SH3PXD2B: variants seen among roughly 807,000 people sequenced by gnomAD.
SH3PXD2B encodes the protein SH3 and PX domain-containing protein 2B.
SH3PXD2B carries 37 observed loss-of-function variants against 73.1 expected under a neutral mutation model. The observed-to-expected ratio is 0.51, with a 90% confidence interval of 0.39 to 0.67. The LOEUF (loss-of-function observed/expected upper bound fraction) is 0.67. Among genes scored for constraint, SH3PXD2B ranks in the 30% least tolerant of loss-of-function variants. The probability of loss-of-function intolerance (pLI) is 0.00; values close to 1 mark genes in which losing one functional copy is unlikely to be tolerated. For synonymous variants in SH3PXD2B, 457 were observed against 480.5 expected, an observed-to-expected ratio of 0.95 and a Z score of 0.64; for missense variants, 1,053 against 1,197.8, an observed-to-expected ratio of 0.88 and a Z score of 1.78.
At chr5:172,408,323 G>A (rs991506351) in intron 2 of SH3PXD2B, among the ~76,000 whole-genome samples, 1 of 151,284 alleles carries the variant, frequency 6.6e-6, no homozygotes, top group Admixed American at 6.6e-5. Context: ...GCTGGAGTGC[G>A]GTGGCACAAT....
At position 172,339,533 on chromosome 5, in the gene SH3PXD2B, C is replaced by A. The variant is rs199691305; in HGVS notation, c.1572G>T (p.Pro524=). The A allele has an allele frequency of 3.1e-6, 5 of 1,614,142 alleles. No homozygotes were observed. In the East Asian group the frequency reaches 6.7e-5, roughly 22 times the overall value. ...PDMEEKPSLP[P]RKESIIKSEG... ...CCGACTTGATGATGGATTCTTTCCG[C>A]GGAGGGAGGCTGGGCTTCTCCTCCA... The change falls in exon 13 of 13, where the codon CCG becomes CCT. Residue 524 remains proline (P), a synonymous_variant. Coordinates refer to ENST00000311601, the MANE Select transcript of SH3PXD2B (RefSeq NM_001017995.3). The surrounding 1 kb of genome is among the most constrained non-coding windows in gnomAD (Gnocchi z 6.1).
chr5:172,440,631 G>A (rs1320182839), intron 1 of SH3PXD2B, among the ~76,000 whole-genome samples: 6 of 152,190 alleles, frequency 3.9e-5, no homozygotes, highest in Admixed American at 3.9e-4. Flanking sequence ...TGGAAACTGG[G>A]GCTCTGACTG....
intron 8 of SH3PXD2B, among the ~76,000 whole-genome samples, chr5:172,355,584 G>A (rs530119142): frequency 6.0e-5 from 9 of 149,170 alleles, no homozygotes; most frequent in Non-Finnish European, 7.4e-5. Flanking sequence ...TCGCTCTGTC[G>A]CCCAGGCTGG....
chr5:172,404,465 T>C (rs1758507472), intron 3 of SH3PXD2B, among the ~76,000 whole-genome samples: 1 of 152,282 alleles, frequency 6.6e-6, no homozygotes, highest in South Asian at 2.1e-4. Flanking sequence ...CTAATTTTTA[T>C]ATTTTTAGTA....
At chr5:172,400,878 T>C (rs1758408197) in intron 3 of SH3PXD2B, among the ~76,000 whole-genome samples, 1 of 152,218 alleles carries the variant, frequency 6.6e-6, no homozygotes, top group African/African-American at 2.4e-5. Context: ...GCCCAGACCT[T>C]GGGAATCCTC....
chr5:172,437,748 G>A (rs1310549657), intron 1 of SH3PXD2B, among the ~76,000 whole-genome samples: 4 of 152,202 alleles, frequency 2.6e-5, no homozygotes, highest in Non-Finnish European at 4.4e-5. Context: ...GGTGTCTTGC[G>A]TCAGATGAGA....
rs111765294 is a variant in SH3PXD2B, at chr5:172,377,224, C to G, written c.402-3409G>C. On this transcript the variant is annotated intron_variant, in intron 5 of 12. Coordinates refer to ENST00000311601, the MANE Select transcript of SH3PXD2B (RefSeq NM_001017995.3). ...TGGTGTGACATGCTTGGGGTGTTCC[C>G]AAGTTTTCCTACTCATGGCGGCCAA... Among the ~76,000 whole-genome samples, 922 of 152,224 alleles carry G rather than the reference C, an allele frequency of 6.1e-3. 4 individuals are homozygous for G. The highest frequency in any genetic ancestry group is 8.8e-3 in the Non-Finnish European group (600 of 67,998).
intron 9 of SH3PXD2B, 75 bp from the exon 10 acceptor site, chr5:172,350,664 T>C: frequency 6.9e-7 from 1 of 1,442,086 alleles, no homozygotes; most frequent in Non-Finnish European, 9.5e-7. Flanking sequence ...CTACTGGGAA[T>C]CACATGACAG....
chr5:172,404,737 A>AT (rs1758514332), intron 3 of SH3PXD2B, among the ~76,000 whole-genome samples: 2 of 152,240 alleles, frequency 1.3e-5, no homozygotes, highest in South Asian at 4.1e-4. Context: ...CAGAATCATC[A>AT]TAACAACTTC....
At chr5:172,331,616 A>G (rs1247503917), downstream of SH3PXD2B, among the ~76,000 whole-genome samples, 1 of 152,180 alleles carries the variant, frequency 6.6e-6, no homozygotes, top group Non-Finnish European at 1.5e-5. Context: ...GTTTGCAGGT[A>G]TGAGAGGGTG....
chr5:172,373,332 G>A (rs190641688), intron 6 of SH3PXD2B, among the ~76,000 whole-genome samples: 10 of 152,178 alleles, frequency 6.6e-5, no homozygotes, highest in African/African-American at 2.4e-4. Context: ...CCTCCTTTCC[G>A]ATCCCTTATC....
At chr5:172,452,066 G>C (rs1416870963) in intron 1 of SH3PXD2B, among the ~76,000 whole-genome samples, 2 of 152,200 alleles carry the variant, frequency 1.3e-5, no homozygotes, top group African/African-American at 4.8e-5. Context: ...AGATACCTCA[G>C]GACAGGCAGG....
intron 3 of SH3PXD2B, among the ~76,000 whole-genome samples, chr5:172,402,381 A>T (rs1055331243): frequency 6.6e-6 from 1 of 152,142 alleles, no homozygotes; most frequent in African/African-American, 2.4e-5. Context: ...CGGTCCTGTG[A>T]TCTCACCCTG....
At chr5:172,382,918 A>G (rs952020995) in intron 4 of SH3PXD2B, among the ~76,000 whole-genome samples, 1 of 142,620 alleles carries the variant, frequency 7.0e-6, no homozygotes, top group African/African-American at 2.7e-5. Context: ...TTGTATTTTT[A>G]GTAGAGACAG....
intron 12 of SH3PXD2B, among the ~76,000 whole-genome samples, chr5:172,341,946 C>T (rs1023589283): frequency 2.6e-5 from 4 of 152,098 alleles, no homozygotes; most frequent in South Asian, 2.1e-4. Flanking sequence ...CATGAGTCAC[C>T]GTGCCCAGCC....
rs754104564 is a variant in SH3PXD2B, at chr5:172,454,297, C to T, written c.56G>A (p.Arg19Gln). 3.7e-6 allele frequency: 6 copies of T among 1,601,642 alleles called. No individual in the cohort carries two copies. Among genetic ancestry groups the T allele is most frequent in the Non-Finnish European group, 5.1e-6 (6 of 1,176,716 alleles). Residue 19 changes from arginine (R) to glutamine (Q), a missense_variant, in exon 1 of 13, where the codon CGG becomes CAG. Around this residue, in one of 2 missense-constraint regions of SH3PXD2B, gnomAD observed 466 missense variants for 607.1 expected, o/e 0.77. Coordinates refer to ENST00000311601, the MANE Select transcript of SH3PXD2B (RefSeq NM_001017995.3). ...ACTCACATAATGCTTGTTGGGCACCCGCCGCTTCTGCACGTCTAGCACCTT... is the reference window on the plus strand; with the variant it reads ...ACTCACATAATGCTTGTTGGGCACCTGCCGCTTCTGCACGTCTAGCACCTT... ...EVKVLDVQKRRVPNKHYVYII... is the reference protein window; with the variant it reads ...EVKVLDVQKRQVPNKHYVYII...
chr5:172,372,395 T>A (rs111343567), intron 6 of SH3PXD2B, among the ~76,000 whole-genome samples: 2 of 152,124 alleles, frequency 1.3e-5, no homozygotes. Context: ...TTGCCTTCCA[T>A]CATGATGGAA....
intron 6 of SH3PXD2B, among the ~76,000 whole-genome samples, chr5:172,370,097 T>C (rs1757667586): frequency 6.6e-6 from 1 of 152,210 alleles, no homozygotes; most frequent in South Asian, 2.1e-4. Flanking sequence ...CAGACATTTG[T>C]GGGATGAATG....
chr5:172,354,145 C>T (rs1487871029), intron 8 of SH3PXD2B, 140 bp from the exon 9 acceptor site: 18 of 754,404 alleles, frequency 2.4e-5, no homozygotes, highest in Non-Finnish European at 3.7e-5. Flanking sequence ...CTGACCTAGC[C>T]CTGGACAGCC....
Sources: allele counts gnomAD v4.1 joint callset (sites outside exome capture counted in the v4.1 genomes callset), GRCh38; gene constraint gnomAD v4.1.1; regional missense constraint gnomAD v4.1.1; non-coding constraint Gnocchi (gnomAD v3.1); transcripts MANE v1.5; gene names NCBI Gene and HGNC (gene_info 2026-07-23, HGNC 2026-07-21).